The following MYOM3 variants were observed in gnomAD, a reference collection of about 807,000 sequenced individuals.
MYOM3 encodes the protein myomesin 3.
MYOM3 carries 155 observed loss-of-function variants against 191.7 expected under a neutral mutation model. The ratio of observed to expected loss-of-function variants is 0.81; its 90% CI spans 0.71 to 0.92. MYOM3 has a LOEUF of 0.92. MYOM3 is among the 40% of genes least tolerant of loss of function. The probability of loss-of-function intolerance (pLI) is 0.00; values close to 1 mark genes in which losing one functional copy is unlikely to be tolerated. For missense variants in MYOM3, 1,889 were observed against 1,890.6 expected (o/e 1.00, Z 0.02); for synonymous variants, 757 against 762.9 (o/e 0.99, Z 0.13).
In MYOM3 at chr1:24,084,495, A is replaced by G; in HGVS notation, c.1943T>C (p.Val648Ala). ...RKVGTSEWQT[V>A]NNKPIQGTRF... The stretch of plus-strand genomic sequence containing the variant: ...GGTGCCTTGGATGGGTTTGTTGTTA[A>G]CTGTTTGCCACTCAGATGTCCCCAC... Residue 648 changes from valine to alanine, a missense_variant, in exon 16 of 37, where the codon GTT (valine) becomes GCT (alanine). By Grantham distance (64) the Val-to-Ala change is moderately conservative (BLOSUM62 0). Transcript: ENST00000374434. 6.2e-7 allele frequency: 1 copy of G among 1,614,126 alleles called. No individual in the cohort carries two copies. Among genetic ancestry groups the G allele is most frequent in the Non-Finnish European group, 8.5e-7 (1 of 1,180,038 alleles).
intron 6 of MYOM3, among the ~76,000 whole-genome samples, chr1:24,098,692 C>T (rs1390242931): frequency 6.6e-6 from 1 of 152,216 alleles, no homozygotes; most frequent in Non-Finnish European, 1.5e-5. Flanking sequence ...GTCCTGCCTG[C>T]CCCGGAGGTC....
At chr1:24,086,543 G>C (rs1261578460) in intron 15 of MYOM3, 101 bp downstream of exon 15, 1 of 1,203,244 alleles carries the variant, frequency 8.3e-7, no homozygotes, top group East Asian at 2.4e-5. Flanking sequence ...GGGTAGAAGG[G>C]AGCGGGGACA....
intron 29 of MYOM3, among the ~76,000 whole-genome samples, chr1:24,065,198 G>C (rs4649169): frequency 0.33 from 50,692 of 152,136 alleles, 9,848 homozygotes; most frequent in East Asian, 0.43. Context: ...CTTGGCATCA[G>C]CCTGGCCAGG....
At chr1:24,091,953 C>T (rs901429952) in intron 11 of MYOM3, among the ~76,000 whole-genome samples, 11 of 152,208 alleles carry the variant, frequency 7.2e-5, no homozygotes, top group African/African-American at 2.7e-4. Flanking sequence ...TGGCCGACTC[C>T]AGCATAGAAT....
At chr1:24,083,565 A>G (rs1643700266) in intron 16 of MYOM3, 1 of 152,204 alleles carries the variant, frequency 6.6e-6, no homozygotes, top group East Asian at 1.9e-4. Context: ...TTTCCTATAT[A>G]CATCTATCCT....
At chr1:24,061,188 C>T (rs1643365456) in intron 34 of MYOM3, 85 bp downstream of exon 34, 1 of 1,604,540 alleles carries the variant, frequency 6.2e-7, no homozygotes, top group East Asian at 2.2e-5. Context: ...CTGGCTGGGG[C>T]TCCCAGGAAG....
In MYOM3 at chr1:24,064,369, CG is replaced by C. The variant is rs995577291; in HGVS notation, c.3535-211del. 5.7e-6 allele frequency: 3 copies of C among 530,060 alleles called. No homozygotes were observed. In the African/African-American group the frequency reaches 5.9e-5, roughly 10 times the overall value. 32.8% of individuals were successfully genotyped at this position (530,060 alleles called of 1,614,324 possible). On this transcript the variant is annotated intron_variant, in intron 29 of 36. Transcript: ENST00000374434. ...CTCCAGAGCCCTTGGATTCCTAGCT[CG>C]GGGCTTGTCTGGGCCTGGGGAAGGG...
At position 24,068,311 on chromosome 1, in the gene MYOM3, G is replaced by A. The variant is rs1034863416; in HGVS notation, c.3207C>T (p.Asn1069=). Residue 1069 remains asparagine, a synonymous_variant, in exon 26 of 37, where the codon AAC becomes AAT. Transcript: ENST00000374434. ...EKGLVEVIIQ[N]LSEEDKGSYT... ...ACGACCCTTTGTCCTCCTCAGACAA[G>A]TTCTGGATGATCACTTCCACCAGGC... 6.2e-7 allele frequency: 1 copy of A among 1,614,156 alleles called. No individual in the cohort carries two copies. The highest frequency in any genetic ancestry group is 1.1e-5 in the South Asian group (1 of 91,074).
chr1:24,065,276 C>A (rs1375470730), intron 29 of MYOM3, among the ~76,000 whole-genome samples: 1 of 152,212 alleles, frequency 6.6e-6, no homozygotes, highest in African/African-American at 2.4e-5. Flanking sequence ...CTCCAGTCCT[C>A]CTGGGCACCC....
intron 14 of MYOM3, 142 bp from the exon 15 acceptor site, chr1:24,086,969 T>A: frequency 1.7e-5 from 13 of 751,098 alleles, no homozygotes; most frequent in Non-Finnish European, 2.4e-5. Context: ...AGCATGGGGC[T>A]CTGCCCCATC....
chr1:24,096,963 A>G (rs1179035883), intron 7 of MYOM3, among the ~76,000 whole-genome samples: 1 of 152,232 alleles, frequency 6.6e-6, no homozygotes, highest in African/African-American at 2.4e-5. Context: ...TTCACAGATG[A>G]GGAAATAGAG....
intron 1 of MYOM3, 128 bp from the exon 2 acceptor site, chr1:24,108,782 A>G: frequency 1.6e-6 from 1 of 634,326 alleles, no homozygotes; most frequent in Non-Finnish European, 2.6e-6. Flanking sequence ...GTCGGCAGAC[A>G]GGGAAACTGA....
At chr1:24,073,745 T>A (rs1643559974) in intron 23 of MYOM3, among the ~76,000 whole-genome samples, 1 of 150,996 alleles carries the variant, frequency 6.6e-6, no homozygotes, top group Admixed American at 6.6e-5. Context: ...CACCTGTAGA[T>A]CCAGCTACTT....
Position 24,063,506 on chromosome 1 carries a change from A to T in MYOM3, c.3647T>A (p.Leu1216Ter). 1 of 1,614,156 alleles carries T rather than the reference A, an allele frequency of 6.2e-7. No homozygotes were observed. Among genetic ancestry groups the T allele is most frequent in the Non-Finnish European group, 8.5e-7 (1 of 1,180,014 alleles). Residue 1216 changes from leucine to a stop codon, truncating the protein, a stop_gained, in exon 31 of 37, where the codon TTG (leucine) becomes TAG (stop). Transcript: ENST00000374434. LOFTEE classifies it high-confidence loss of function. The surrounding 1 kb of genome is among the most constrained non-coding windows in gnomAD (Gnocchi z 4.5). The part of the protein sequence containing the change: ...GDALDAIFTE[L>*]GRIGALSATP... ...AGGCTGCTTACCACCAATCCTGCCC[A>T]ACTCGGTGAAGATGGCATCCAGGGC...
At chr1:24,060,498 CCT>C (rs1643357439) in intron 35 of MYOM3, among the ~76,000 whole-genome samples, 2 of 152,180 alleles carry the variant, frequency 1.3e-5, no homozygotes, top group Admixed American at 6.5e-5. Flanking sequence ...CGGGTCTTTC[CCT>C]CACTGAAATC....
rs991750631 is a variant in MYOM3, at chr1:24,111,659, G to A, written c.-19+372C>T. Among the ~76,000 whole-genome samples, 2 of 152,104 alleles carry A rather than the reference G, an allele frequency of 1.3e-5. No homozygotes were observed. Among genetic ancestry groups the A allele is most frequent in the African/African-American group, 2.4e-5 (1 of 41,410 alleles). On this transcript the variant is annotated intron_variant, in intron 1 of 36. Transcript: ENST00000374434. The surrounding 1 kb of genome is among the most constrained non-coding windows in gnomAD (Gnocchi z 4.7). Reference sequence around the variant, plus strand: ...GCTCAGCCAGCTCCGCTCTAAGTTCGTGGAACTTGCCAGCTTAGCCTGGCT... The same window carrying A: ...GCTCAGCCAGCTCCGCTCTAAGTTCATGGAACTTGCCAGCTTAGCCTGGCT...
chr1:24,105,886 A>AGGCCCAGAACCCCTTCCTGCCCCAGC, intron 5 of MYOM3, 34 bp downstream of exon 5: 1 of 1,565,298 alleles, frequency 6.4e-7, no homozygotes, highest in South Asian at 1.2e-5. Flanking sequence ...GTGACCCCAG[A>AGGCCCAGAACCCCTTCCTGCCCCAGC]GGCCCAGAAC....
chr1:24,070,334 T>G lies in MYOM3; in HGVS notation c.3150+783A>C, dbSNP rs974753973. ...TTCTCCATTCAGTGTATAGTAACATTGCACACTTTGGGAGGCTGAGGCAGG... is the reference window on the plus strand; with the variant it reads ...TTCTCCATTCAGTGTATAGTAACATGGCACACTTTGGGAGGCTGAGGCAGG... On this transcript the variant is annotated intron_variant, in intron 25 of 36. Transcript: ENST00000374434. 2.0e-5 allele frequency among the ~76,000 whole-genome samples: 3 copies of G among 151,990 alleles called. No homozygotes were observed. In the East Asian group the frequency reaches 5.8e-4, roughly 29 times the overall value.
chr1:24,061,542 T>C (rs1002010969), intron 33 of MYOM3, among the ~76,000 whole-genome samples: 1 of 152,164 alleles, frequency 6.6e-6, no homozygotes, highest in African/African-American at 2.4e-5. Context: ...TTTAAAAATA[T>C]TTCTTTCCTT....
Sources: gnomAD v4.1 joint callset for allele counts (sites outside exome capture counted in the v4.1 genomes callset) on GRCh38, gnomAD v4.1.1 for gene constraint, Gnocchi (gnomAD v3.1) non-coding constraint, MANE v1.5 for transcripts, NCBI Gene and HGNC (gene_info 2026-07-23, HGNC 2026-07-21) for gene names.